The following ZNF273 variants were observed in gnomAD, a reference collection of about 807,000 sequenced individuals.
ZNF273 encodes the protein zinc finger protein 273.
In ZNF273, 11 loss-of-function variants were observed where a neutral mutation model predicts 14.9. The observed-to-expected ratio is 0.74, with a 90% CI of 0.46 to 1.22. The LOEUF (loss-of-function observed/expected upper bound fraction) is 1.22. Ranked by LOEUF, ZNF273 falls within the 50% of genes most tolerant of loss-of-function variation. ZNF273 has a pLI of 0.00. For missense variants in ZNF273, 577 were observed against 660.6 expected, an observed-to-expected ratio of 0.87 and a Z score of 1.39; for synonymous variants, 199 against 223.9, an observed-to-expected ratio of 0.89 and a Z score of 0.99.
chr7:64,903,509 G>T, intron 1 of ZNF273, 90 bp downstream of exon 1: 2 of 1,290,576 alleles, frequency 1.5e-6, no homozygotes, highest in Non-Finnish European at 2.2e-6. Flanking sequence ...CGGCCTCCCT[G>T]CAGTAGACTC....
chr7:64,910,806 C>G (rs1323329881), intron 1 of ZNF273, among the ~76,000 whole-genome samples: 1 of 136,294 alleles, frequency 7.3e-6, no homozygotes, highest in Non-Finnish European at 1.6e-5. Flanking sequence ...GTTTTTATTG[C>G]CCAGGCTGGA....
chr7:64,902,119 A>C (rs1373598094), upstream of ZNF273, among the ~76,000 whole-genome samples: 2 of 149,842 alleles, frequency 1.3e-5, no homozygotes, highest in Non-Finnish European at 3.0e-5. Flanking sequence ...ACATATTAAA[A>C]TAATATTTTG....
intron 1 of ZNF273, among the ~76,000 whole-genome samples, chr7:64,915,538 C>G (rs984335242): frequency 6.6e-6 from 1 of 152,242 alleles, no homozygotes. Flanking sequence ...AGCAGGAGCA[C>G]GTCCTGAAGG....
At chr7:64,894,127 C>T (rs1792220138), downstream of ZNF273, among the ~76,000 whole-genome samples, 1 of 152,156 alleles carries the variant, frequency 6.6e-6, no homozygotes, top group Non-Finnish European at 1.5e-5. Flanking sequence ...GCCTCAGCCT[C>T]TAGAGTAGCT....
intron 1 of ZNF273, chr7:64,917,178 C>A: frequency 9.3e-7 from 1 of 1,075,024 alleles, no homozygotes; most frequent in Non-Finnish European, 1.2e-6. Context: ...GAAAGAAAAT[C>A]TGCATAACAA....
chr7:64,900,118 CT>C (rs373187103), upstream of ZNF273, among the ~76,000 whole-genome samples: 367 of 143,448 alleles, frequency 2.6e-3, no homozygotes, highest in African/African-American at 3.0e-3. Flanking sequence ...TTTTCTCTCT[CT>C]TTTTTTTTTT....
At chr7:64,937,002 CTT>C in the ZNF273 span, among the ~76,000 whole-genome samples, 245 of 152,296 alleles carry the variant, frequency 1.6e-3, 1 homozygote, top group African/African-American at 5.5e-3. Context: ...GACAGAATAA[CTT>C]TATTCACAAT....
At chr7:64,900,811 A>G (rs1311524849), upstream of ZNF273, among the ~76,000 whole-genome samples, 1 of 152,020 alleles carries the variant, frequency 6.6e-6, no homozygotes, top group East Asian at 1.9e-4. Context: ...AAGATCATCT[A>G]TAAAACACCT....
At chr7:64,923,443 G>C in intron 3 of ZNF273, 1 of 449,236 alleles carries the variant, frequency 2.2e-6, no homozygotes, top group Non-Finnish European at 4.4e-6. Context: ...CGGGATTCAA[G>C]TGATTCTACT....
At chr7:64,884,017 A>G (rs1201702676), downstream of ZNF273, among the ~76,000 whole-genome samples, 1 of 152,210 alleles carries the variant, frequency 6.6e-6, no homozygotes, top group Admixed American at 6.5e-5. Context: ...TTGCAGCATG[A>G]TTCCTATATG....
chr7:64,908,749 A>G (rs563017408), intron 1 of ZNF273, among the ~76,000 whole-genome samples: 4 of 152,298 alleles, frequency 2.6e-5, no homozygotes, highest in Non-Finnish European at 1.5e-5. Context: ...GCACTTACTT[A>G]TAAATGAGAA....
At chr7:64,900,514 A>C (rs1375745531), upstream of ZNF273, among the ~76,000 whole-genome samples, 1 of 152,210 alleles carries the variant, frequency 6.6e-6, no homozygotes, top group Non-Finnish European at 1.5e-5. Context: ...ATGGATAAGC[A>C]AACCGGAAGC....
intron 1 of ZNF273, among the ~76,000 whole-genome samples, chr7:64,916,302 G>A (rs569457661): frequency 6.6e-6 from 1 of 150,464 alleles, no homozygotes; most frequent in South Asian, 2.1e-4. Flanking sequence ...CACTTTTGGA[G>A]GTTGAGGCGG....
At chr7:64,900,004 C>T (rs1375726519), upstream of ZNF273, among the ~76,000 whole-genome samples, 1 of 152,128 alleles carries the variant, frequency 6.6e-6, no homozygotes, top group African/African-American at 2.4e-5. Context: ...ATGGGATCCG[C>T]CTGCCTCGGC....
downstream of ZNF273, among the ~76,000 whole-genome samples, chr7:64,933,912 C>T (rs1031455436): frequency 6.6e-6 from 1 of 152,084 alleles, no homozygotes; most frequent in Non-Finnish European, 1.5e-5. Context: ...TTTCTTAGCA[C>T]TTTTCATTTT....
chr7:64,928,333 A>G lies in ZNF273; in HGVS notation c.1005A>G (p.Lys335=), dbSNP rs1794865725. 3.1e-6 allele frequency: 5 copies of G among 1,613,776 alleles called. No homozygotes were observed. The highest frequency in any genetic ancestry group is 4.2e-6 in the Non-Finnish European group (5 of 1,179,844). Residue 335 remains lysine, a synonymous_variant, in exon 4 of 4, where the codon AAA becomes AAG. Coordinates refer to ENST00000476120, the MANE Select transcript of ZNF273 (RefSeq NM_021148.3). ...TTAGTATATTCTCAACCCTTACTAAACATAAGATAATTCATACTGGAGAGA... is the reference window on the plus strand; with the variant it reads ...TTAGTATATTCTCAACCCTTACTAAGCATAAGATAATTCATACTGGAGAGA... ...KGFSIFSTLT[K]HKIIHTGEKP...
intron 1 of ZNF273, among the ~76,000 whole-genome samples, chr7:64,907,769 T>C (rs1793219559): frequency 6.6e-6 from 1 of 152,180 alleles, no homozygotes; most frequent in Non-Finnish European, 1.5e-5. Context: ...TGTCTGGGAA[T>C]GGGAGGCTCT....
intron 1 of ZNF273, among the ~76,000 whole-genome samples, chr7:64,915,796 G>A (rs758657631): frequency 1.3e-5 from 2 of 152,224 alleles, no homozygotes; most frequent in South Asian, 4.1e-4. Context: ...AACATGTAAT[G>A]TTGGGGTTTC....
chr7:64,894,280 C>T (rs750240786), downstream of ZNF273, among the ~76,000 whole-genome samples: 4 of 151,800 alleles, frequency 2.6e-5, no homozygotes, highest in Admixed American at 6.6e-5. Context: ...GCCGGGATTA[C>T]GGGCATGAGC....
Sources: allele counts gnomAD v4.1 joint callset (sites outside exome capture counted in the v4.1 genomes callset), GRCh38; gene constraint gnomAD v4.1.1; transcripts MANE v1.5; gene names NCBI Gene and HGNC (gene_info 2026-07-23, HGNC 2026-07-21).